COL4A2: variants seen among roughly 807,000 people sequenced by gnomAD.
COL4A2 encodes the protein collagen alpha-2(IV) chain.
Under a neutral mutation model 200.2 loss-of-function variants are expected in COL4A2, and 99 were observed. The ratio of observed to expected loss-of-function variants is 0.49; its 90% CI spans 0.42 to 0.58. The LOEUF is 0.58. COL4A2 is among the 20% of genes least tolerant of loss of function. COL4A2 has a pLI of 0.00. For missense variants in COL4A2, 1,950 were observed against 2,314.1 expected, an observed-to-expected ratio of 0.84 and a Z score of 3.23; for synonymous variants, 897 against 900.6, an observed-to-expected ratio of 1.00 and a Z score of 0.07.
Position 110,513,201 on chromosome 13 carries a change from A to G in COL4A2, c.*1010A>G, listed in dbSNP as rs973370637. Among the ~76,000 whole-genome samples the G allele has an allele frequency of 6.6e-6, 1 of 152,090 alleles. No homozygotes were observed. Among genetic ancestry groups the G allele is most frequent in the African/African-American group, 2.4e-5 (1 of 41,400 alleles). ...GAATGTGTTTGTTTATAACTCACTAATGCTTACAGAAAACACCCCAACCAG... is the reference window on the plus strand; with the variant it reads ...GAATGTGTTTGTTTATAACTCACTAGTGCTTACAGAAAACACCCCAACCAG... On this transcript the variant is annotated 3_prime_UTR_variant, in exon 48 of 48. Coordinates refer to ENST00000360467, the MANE Select transcript of COL4A2 (RefSeq NM_001846.4).
At chr13:110,479,743 T>C (rs186914406) in intron 30 of COL4A2, among the ~76,000 whole-genome samples, 1 of 152,124 alleles carries the variant, frequency 6.6e-6, no homozygotes, top group Admixed American at 6.5e-5. Flanking sequence ...GCTGCCAAGC[T>C]CACGACAGTA....
intron 3 of COL4A2, among the ~76,000 whole-genome samples, chr13:110,345,405 G>A (rs1876653131): frequency 1.3e-5 from 2 of 152,176 alleles, no homozygotes; most frequent in Admixed American, 1.3e-4. Flanking sequence ...ACCCCAGTCG[G>A]CGGGTCTCAG....
At chr13:110,372,022 C>CCT (rs35731878) in intron 4 of COL4A2, among the ~76,000 whole-genome samples, 13,942 of 151,514 alleles carry the variant, frequency 0.092, 751 homozygotes, top group Middle Eastern at 0.12. Flanking sequence ...ATTCCGCTCA[C>CCT]CTCTCTCTCT....
intron 4 of COL4A2, among the ~76,000 whole-genome samples, chr13:110,386,064 TAAA>T (rs1878734993): frequency 4.6e-5 from 7 of 151,412 alleles, no homozygotes; most frequent in East Asian, 1.9e-4. Context: ...GTTTTGTGGA[TAAA>T]GCATGGTTAC....
At chr13:110,457,987 C>T (rs1189371269) in intron 21 of COL4A2, 2 of 399,860 alleles carry the variant, frequency 5.0e-6, no homozygotes, top group Admixed American at 3.0e-5. Flanking sequence ...GCCCCTAGCT[C>T]GAGGCCGTCC....
At chr13:110,439,526 AT>A (rs1245258176) in intron 15 of COL4A2, among the ~76,000 whole-genome samples, 1 of 152,156 alleles carries the variant, frequency 6.6e-6, no homozygotes, top group Non-Finnish European at 1.5e-5. Context: ...ATTAGGATGG[AT>A]TCTGCTTTCT....
intron 4 of COL4A2, among the ~76,000 whole-genome samples, chr13:110,383,553 C>A (rs1285305900): frequency 6.6e-6 from 1 of 150,438 alleles, no homozygotes; most frequent in South Asian, 2.1e-4. Flanking sequence ...ACATAATAAA[C>A]CAAGATGCTA....
At chr13:110,385,746 C>T (rs200019278) in intron 4 of COL4A2, among the ~76,000 whole-genome samples, 1,261 of 1,766 alleles carry the variant, frequency 0.71, 395 homozygotes, top group South Asian at 0.85. Flanking sequence ...GGTTGCAGTG[C>T]GTGGATAGGC....
At chr13:110,441,718 T>G (rs1331441896) in intron 16 of COL4A2, among the ~76,000 whole-genome samples, 1 of 152,182 alleles carries the variant, frequency 6.6e-6, no homozygotes. Flanking sequence ...ATTAAAGTGC[T>G]GCTGTTAATT....
At chr13:110,371,928 C>G (rs558799773) in intron 4 of COL4A2, among the ~76,000 whole-genome samples, 1 of 152,188 alleles carries the variant, frequency 6.6e-6, no homozygotes, top group South Asian at 2.1e-4. Flanking sequence ...AATGAACAGA[C>G]AGGGAATTGG....
At chr13:110,487,975 G>T (rs574634299) in intron 34 of COL4A2, among the ~76,000 whole-genome samples, 1 of 152,282 alleles carries the variant, frequency 6.6e-6, no homozygotes, top group African/African-American at 2.4e-5. Flanking sequence ...CCTAAACAAA[G>T]GTGCAGCCTG....
chr13:110,408,884 C>T (rs970679318), intron 4 of COL4A2, among the ~76,000 whole-genome samples: 10 of 126,368 alleles, frequency 7.9e-5, no homozygotes, highest in Admixed American at 4.9e-4. Flanking sequence ...CATGGACACG[C>T]GCACACGTTT....
chr13:110,446,010 G>A lies in COL4A2; in HGVS notation c.1011+128G>A, dbSNP rs59301403. 5.2e-4 allele frequency: 491 copies of A among 947,526 alleles called. 2 individuals are homozygous for A. The African/African-American group carries it at 6.9e-3, about 13-fold the overall frequency. 58.7% of individuals were successfully genotyped at this position (947,526 alleles called of 1,614,324 possible). ...AAAAGTACAAGATCCCCAAATACAC[G>A]GCCTCTGACACTGGACAGACGAGGT... On this transcript the variant is annotated intron_variant, in intron 17 of 47. Transcript: ENST00000360467.
intron 10 of COL4A2, among the ~76,000 whole-genome samples, chr13:110,431,087 A>G (rs941395931): frequency 3.3e-5 from 5 of 152,246 alleles, no homozygotes; most frequent in Non-Finnish European, 5.9e-5. Context: ...AGGGAAGAGC[A>G]GAAAAAGGCA....
At chr13:110,485,340 G>A (rs558548245) in intron 33 of COL4A2, among the ~76,000 whole-genome samples, 35 of 152,040 alleles carry the variant, frequency 2.3e-4, no homozygotes, top group African/African-American at 8.0e-4. Context: ...TGGCTAACAC[G>A]GTGAAACCCC....
At chr13:110,437,505 G>A (rs1021143599) in intron 13 of COL4A2, among the ~76,000 whole-genome samples, 2 of 152,162 alleles carry the variant, frequency 1.3e-5, no homozygotes, top group African/African-American at 2.4e-5. Context: ...CATTTTAGAC[G>A]AAGAGAAATG....
Position 110,309,848 on chromosome 13 carries a change from G to A in COL4A2, c.99+1725G>A, listed in dbSNP as rs115802916. Among the ~76,000 whole-genome samples the A allele has an allele frequency of 6.5e-3, 996 of 152,186 alleles. 9 individuals carry two copies. The highest frequency in any genetic ancestry group is 0.023 in the African/African-American group (955 of 41,514). On this transcript the variant is annotated intron_variant, in intron 3 of 47. Transcript: ENST00000360467. ...CTACTAAAATACAAAAAAATCAGCC[G>A]GGCTTGGTGGCGCTTGCCTGTAATT...
chr13:110,397,623 T>G (rs1266476392), intron 4 of COL4A2, among the ~76,000 whole-genome samples: 1 of 152,184 alleles, frequency 6.6e-6, no homozygotes, highest in Non-Finnish European at 1.5e-5. Context: ...AACTACCACT[T>G]GCAAATCGAT....
intron 4 of COL4A2, among the ~76,000 whole-genome samples, chr13:110,359,248 TC>T (rs1877416277): frequency 6.6e-6 from 1 of 152,230 alleles, no homozygotes; most frequent in African/African-American, 2.4e-5. Context: ...TTTAATATGT[TC>T]AATCAAAGTG....
Sources: gnomAD v4.1 joint callset for allele counts (sites outside exome capture counted in the v4.1 genomes callset) on GRCh38, gnomAD v4.1.1 for gene constraint, MANE v1.5 for transcripts, NCBI Gene and HGNC (gene_info 2026-07-23, HGNC 2026-07-21) for gene names.